Variants in HCN1 observed in about 807,000 individuals in gnomAD.
HCN1 encodes the protein hyperpolarization activated cyclic nucleotide gated potassium channel 1, also known as potassium/sodium hyperpolarization-activated cyclic nucleotide-gated channel 1.
A neutral mutation model predicts 78.9 loss-of-function variants in HCN1; 13 were observed. That is an observed-to-expected ratio of 0.16 (90% CI 0.11 to 0.26). The LOEUF (loss-of-function observed/expected upper bound fraction) is 0.26. Among genes scored for constraint, HCN1 ranks in the 10% least tolerant of loss-of-function variants. The pLI, the probability that HCN1 is intolerant of heterozygous loss-of-function variation, is 1.00. For missense variants in HCN1, 810 were observed against 1,154.3 expected (o/e 0.70, Z 4.32); for synonymous variants, 552 against 455.5 (o/e 1.21, Z -2.70).
At chr5:45,344,989 C>T (rs1038825839) in intron 5 of HCN1, among the ~76,000 whole-genome samples, 1 of 152,214 alleles carries the variant, frequency 6.6e-6, no homozygotes, top group African/African-American at 2.4e-5. Context: ...CATGAGGGCC[C>T]TGTCCCTGCA....
chr5:45,262,833 CA>C, intron 7 of HCN1, 23 bp from the exon 8 acceptor site: 1 of 1,612,180 alleles, frequency 6.2e-7, no homozygotes, highest in South Asian at 1.1e-5. Flanking sequence ...GAAAGATAGG[CA>C]CTTAGAAAGC....
chr5:45,402,813 CTCCTTCCT>C (rs71000635), intron 3 of HCN1, among the ~76,000 whole-genome samples: 2,707 of 98,386 alleles, frequency 0.028, 37 homozygotes, highest in Middle Eastern at 0.049. Flanking sequence ...CCTTTCTTTC[CTCCTTCCT>C]TCCTTCCTTC....
At position 45,257,953 on chromosome 5, in the gene HCN1, T is replaced by G. The variant is rs1454542392; in HGVS notation, c.*3968A>C. 1 of 152,096 alleles carries G rather than the reference T, an allele frequency of 6.6e-6. No individual in the cohort carries two copies. Among genetic ancestry groups the G allele is most frequent in the Non-Finnish European group, 1.5e-5 (1 of 68,036 alleles). The allele number at this position is 152,096 out of a possible 1,614,324, so 9.4% of individuals were successfully genotyped here. A position where few individuals can be genotyped will look rare whatever the true frequency, so the allele number is the denominator to read the frequency against. On this transcript the variant is annotated 3_prime_UTR_variant, in exon 8 of 8. Transcript: ENST00000303230. Reference sequence around the variant, plus strand: ...CATGTTTCTTTCCCATGGTACAGTATGAGTACTTTTTAAAGTAGGTGAACA... The same window carrying G: ...CATGTTTCTTTCCCATGGTACAGTAGGAGTACTTTTTAAAGTAGGTGAACA...
At chr5:45,493,573 TTTC>T (rs1346300820) in intron 2 of HCN1, among the ~76,000 whole-genome samples, 1 of 151,994 alleles carries the variant, frequency 6.6e-6, no homozygotes, top group African/African-American at 2.4e-5. Flanking sequence ...TTCAATTGTG[TTTC>T]TTTTTTTTTA....
rs554783552 is a variant in HCN1 at position 45,622,363 on chromosome 5, T to TA, written c.849+22821dup. Among the ~76,000 whole-genome samples, 6 of 152,300 alleles carry TA rather than the reference T, an allele frequency of 3.9e-5. No homozygotes were observed. In the South Asian group the frequency reaches 1.2e-3, roughly 32 times the overall value. ...CAGTTTGTGGATGGGATGAATGCTT[T>TA]AAAAACTGTTGCTCACCATAATGAA... On this transcript the variant is annotated intron_variant, in intron 2 of 7. Coordinates refer to ENST00000303230, the MANE Select transcript of HCN1 (RefSeq NM_021072.4).
chr5:45,380,710 T>G (rs1747791413), intron 4 of HCN1, among the ~76,000 whole-genome samples: 1 of 152,090 alleles, frequency 6.6e-6, no homozygotes, highest in Admixed American at 6.6e-5. Flanking sequence ...ATTTTGTGCC[T>G]TTGTTAGACC....
intron 5 of HCN1, among the ~76,000 whole-genome samples, chr5:45,335,714 A>T (rs1579819590): frequency 1.3e-5 from 2 of 152,050 alleles, no homozygotes; most frequent in African/African-American, 4.8e-5. Flanking sequence ...GTTAAATTCT[A>T]CTGTGTACTT....
chr5:45,496,489 A>C (rs1358214493), intron 2 of HCN1, among the ~76,000 whole-genome samples: 1 of 152,176 alleles, frequency 6.6e-6, no homozygotes, highest in African/African-American at 2.4e-5. Context: ...CTGTGAATCC[A>C]TCTGGTCCTG....
intron 2 of HCN1, among the ~76,000 whole-genome samples, chr5:45,581,723 A>T (rs148137644): frequency 0.067 from 10,150 of 152,132 alleles, 419 homozygotes; most frequent in East Asian, 0.15. Flanking sequence ...GGATCCAGTT[A>T]CAGCTTTCTG....
intron 2 of HCN1, among the ~76,000 whole-genome samples, chr5:45,516,170 A>C (rs1742513401): frequency 1.3e-5 from 2 of 152,000 alleles, no homozygotes; most frequent in Admixed American, 6.6e-5. Context: ...GGGTTTCCTC[A>C]ATGGAGTTGA....
At chr5:45,451,622 C>T (rs1579903785) in intron 3 of HCN1, among the ~76,000 whole-genome samples, 1 of 151,790 alleles carries the variant, frequency 6.6e-6, no homozygotes. Context: ...GGAAATGATA[C>T]CTTTTTCTAT....
intron 1 of HCN1, among the ~76,000 whole-genome samples, chr5:45,659,978 G>C (rs1437257712): frequency 2.7e-5 from 4 of 146,652 alleles, no homozygotes; most frequent in Admixed American, 6.9e-5. Flanking sequence ...TCCTCGGGAA[G>C]AGAAACTCCA....
intron 6 of HCN1, among the ~76,000 whole-genome samples, chr5:45,275,020 C>A (rs1373128156): frequency 3.9e-5 from 6 of 152,052 alleles, no homozygotes; most frequent in Non-Finnish European, 7.4e-5. Context: ...CCGAGGGGGG[C>A]AGATCACTTG....
intron 7 of HCN1, among the ~76,000 whole-genome samples, chr5:45,266,563 G>A (rs1744861685): frequency 6.6e-6 from 1 of 152,016 alleles, no homozygotes; most frequent in Non-Finnish European, 1.5e-5. Flanking sequence ...AGTTTGTTTA[G>A]CTAGCAAAAA....
chr5:45,265,407 C>G (rs1744836692), intron 7 of HCN1, among the ~76,000 whole-genome samples: 1 of 152,152 alleles, frequency 6.6e-6, no homozygotes, highest in Admixed American at 6.5e-5. Context: ...AGTAAGGATG[C>G]CTTCAGGAGT....
intron 3 of HCN1, among the ~76,000 whole-genome samples, chr5:45,397,987 T>C (rs1030670995): frequency 4.0e-5 from 6 of 151,686 alleles, no homozygotes; most frequent in African/African-American, 1.4e-4. Flanking sequence ...TTTTAAATTT[T>C]ACATATTTTT....
rs192717539 is a variant in HCN1, at chr5:45,694,170, A to T, written c.425+1499T>A. Reference sequence around the variant, plus strand: ...TTTATTACATCTTTTTAATATGAACATTTTCTTTTTTTTAAAATTTTTAAT... The same window carrying T: ...TTTATTACATCTTTTTAATATGAACTTTTTCTTTTTTTTAAAATTTTTAAT... On this transcript the variant is annotated intron_variant, in intron 1 of 7. Transcript: ENST00000303230. Among the ~76,000 whole-genome samples, 41 of 152,128 alleles carry T rather than the reference A, an allele frequency of 2.7e-4. No homozygotes were observed. In the East Asian group the frequency reaches 5.6e-3, roughly 21 times the overall value.
chr5:45,396,804 T>C (rs1739696958), intron 3 of HCN1, 94 bp from the exon 4 acceptor site: 2 of 905,012 alleles, frequency 2.2e-6, no homozygotes, highest in African/African-American at 3.3e-5. Context: ...TATAAAATAC[T>C]GAATACTGGA....
chr5:45,685,627 G>A (rs1261580917), intron 1 of HCN1, among the ~76,000 whole-genome samples: 2 of 152,022 alleles, frequency 1.3e-5, no homozygotes, highest in African/African-American at 2.4e-5. Context: ...CAGGAGAATC[G>A]CTTAAACACA....
Sources: allele counts gnomAD v4.1 joint callset (sites outside exome capture counted in the v4.1 genomes callset), GRCh38; gene constraint gnomAD v4.1.1; transcripts MANE v1.5; gene names NCBI Gene and HGNC (gene_info 2026-07-23, HGNC 2026-07-21).